Variants in CCDC178 observed in about 807,000 individuals in gnomAD.
CCDC178 encodes coiled-coil domain containing 178, also known as coiled-coil domain-containing protein 178.
CCDC178 carries 126 observed loss-of-function variants against 117.4 expected under a neutral mutation model. The ratio of observed to expected loss-of-function variants is 1.07; its 90% CI spans 0.93 to 1.24. CCDC178 has a LOEUF of 1.24. Among genes scored for constraint, CCDC178 ranks in the 50% most tolerant of loss-of-function variants. The probability of loss-of-function intolerance (pLI) is 0.00; values close to 1 mark genes in which losing one functional copy is unlikely to be tolerated. For missense variants in CCDC178, 1,030 were observed against 986.9 expected, an observed-to-expected ratio of 1.04 and a Z score of -0.59; for synonymous variants, 283 against 313.4, an observed-to-expected ratio of 0.90 and a Z score of 1.02.
intron 20 of CCDC178, among the ~76,000 whole-genome samples, chr18:33,134,460 TC>T: frequency 6.6e-6 from 1 of 152,142 alleles, no homozygotes; most frequent in Admixed American, 6.6e-5. Context: ...ATAATAATGA[TC>T]AAGAAATTTA....
At chr18:33,061,898 G>C (rs965852211) in intron 21 of CCDC178, among the ~76,000 whole-genome samples, 1 of 151,944 alleles carries the variant, frequency 6.6e-6, no homozygotes, top group African/African-American at 2.4e-5. Context: ...ATATCAATGG[G>C]GGATTTTACC....
chr18:33,229,515 A>G (rs1035784447), intron 15 of CCDC178, among the ~76,000 whole-genome samples: 1 of 152,158 alleles, frequency 6.6e-6, no homozygotes. Flanking sequence ...AATCTATAAA[A>G]TAGTTATGAT....
intron 21 of CCDC178, among the ~76,000 whole-genome samples, chr18:33,031,315 T>C (rs530985060): frequency 1.8e-4 from 28 of 151,824 alleles, no homozygotes; most frequent in Non-Finnish European, 3.1e-4. Context: ...GGCACAATTA[T>C]AGCACTTCAT....
At chr18:33,271,328 A>G (rs1043106464) in intron 12 of CCDC178, among the ~76,000 whole-genome samples, 1 of 151,488 alleles carries the variant, frequency 6.6e-6, no homozygotes, top group Non-Finnish European at 1.5e-5. Context: ...AAATGGTCCT[A>G]TCATATACGG....
intron 11 of CCDC178, among the ~76,000 whole-genome samples, chr18:33,297,528 G>C (rs1016887004): frequency 1.3e-5 from 2 of 152,088 alleles, no homozygotes; most frequent in African/African-American, 4.8e-5. Flanking sequence ...AGTATAATTA[G>C]AGATTACTAT....
chr18:33,010,855 T>G (rs1002194844), intron 21 of CCDC178, among the ~76,000 whole-genome samples: 10 of 152,098 alleles, frequency 6.6e-5, no homozygotes, highest in Admixed American at 5.2e-4. Flanking sequence ...AATTTGGAGG[T>G]AGGTTAAAAT....
intron 12 of CCDC178, among the ~76,000 whole-genome samples, chr18:33,279,132 G>A (rs1187409151): frequency 1.3e-5 from 2 of 152,076 alleles, no homozygotes; most frequent in Non-Finnish European, 2.9e-5. Flanking sequence ...AGGAAATAAA[G>A]GGTATTCAAT....
At chr18:33,286,924 G>C (rs1368463249) in intron 12 of CCDC178, among the ~76,000 whole-genome samples, 1 of 152,090 alleles carries the variant, frequency 6.6e-6, no homozygotes. Flanking sequence ...CTTGGGAGTA[G>C]ACAATAAACA....
intron 2 of CCDC178, among the ~76,000 whole-genome samples, chr18:33,435,851 T>A (rs976094968): frequency 6.6e-6 from 1 of 151,898 alleles, no homozygotes; most frequent in Admixed American, 6.6e-5. Flanking sequence ...CTCCCATACC[T>A]CTGGCATGAA....
intron 2 of CCDC178, among the ~76,000 whole-genome samples, chr18:33,439,157 ATGGTTCTAGAC>A (rs2064338964): frequency 1.3e-5 from 2 of 152,244 alleles, no homozygotes; most frequent in African/African-American, 4.8e-5. Context: ...CTTGGAAATC[ATGGTTCTAGAC>A]TGGTGGAATA....
chr18:33,248,098 A>G (rs1169380920), intron 14 of CCDC178, among the ~76,000 whole-genome samples: 2 of 151,830 alleles, frequency 1.3e-5, no homozygotes, highest in African/African-American at 4.8e-5. Flanking sequence ...TATTAAAGAT[A>G]CTTATTAAGG....
At chr18:33,383,469 C>T (rs1191753265) in intron 5 of CCDC178, among the ~76,000 whole-genome samples, 2 of 151,968 alleles carry the variant, frequency 1.3e-5, no homozygotes, top group African/African-American at 2.4e-5. Context: ...GGAGAGTTCT[C>T]GGTGGCATCA....
At chr18:33,096,473 C>T (rs76685872) in intron 20 of CCDC178, among the ~76,000 whole-genome samples, 2,813 of 151,220 alleles carry the variant, frequency 0.019, 52 homozygotes, top group East Asian at 0.1. Context: ...TAAGGCTGAA[C>T]TTGCCTGTTA....
At chr18:33,426,484 T>C (rs1416335639) in intron 2 of CCDC178, among the ~76,000 whole-genome samples, 1 of 152,196 alleles carries the variant, frequency 6.6e-6, no homozygotes, top group Non-Finnish European at 1.5e-5. Flanking sequence ...AAATATTAAA[T>C]CATACATTCC....
intron 21 of CCDC178, among the ~76,000 whole-genome samples, chr18:32,975,514 T>A (rs981064726): frequency 4.6e-5 from 7 of 152,174 alleles, no homozygotes; most frequent in African/African-American, 1.7e-4. Context: ...ACAGAATTAT[T>A]ATAATAAGGC....
intron 20 of CCDC178, among the ~76,000 whole-genome samples, chr18:33,100,089 A>C (rs1288219713): frequency 1.3e-5 from 2 of 151,876 alleles, no homozygotes; most frequent in Non-Finnish European, 2.9e-5. Flanking sequence ...TGTTTGATGA[A>C]AGCCTGTGAC....
At chr18:33,211,747 T>C (rs1694988040) in intron 20 of CCDC178, 149 bp downstream of exon 20, 1 of 597,976 alleles carries the variant, frequency 1.7e-6, no homozygotes, top group Non-Finnish European at 2.8e-6. Flanking sequence ...GAAGAAACAA[T>C]GAAAACTTCC....
intron 15 of CCDC178, among the ~76,000 whole-genome samples, chr18:33,243,279 T>A (rs1251534890): frequency 2.0e-5 from 3 of 151,828 alleles, no homozygotes; most frequent in African/African-American, 7.2e-5. Context: ...GACAGAGATT[T>A]TTTAAAGGAT....
intron 21 of CCDC178, among the ~76,000 whole-genome samples, chr18:33,039,253 G>A (rs1366274490): frequency 6.6e-6 from 1 of 151,946 alleles, no homozygotes; most frequent in Non-Finnish European, 1.5e-5. Flanking sequence ...TCTAATTGGA[G>A]TAATAGAATG....
Sources: gnomAD v4.1 joint callset for allele counts (sites outside exome capture counted in the v4.1 genomes callset) on GRCh38, gnomAD v4.1.1 for gene constraint, MANE v1.5 for transcripts, NCBI Gene and HGNC (gene_info 2026-07-23, HGNC 2026-07-21) for gene names.